The following ATXN1L variants were observed in gnomAD, a reference collection of about 807,000 sequenced individuals.
The protein encoded by ATXN1L is ataxin-1-like.
In ATXN1L, 8 loss-of-function variants were observed where a neutral mutation model predicts 43.4. That is an observed-to-expected ratio of 0.18 (90% CI 0.11 to 0.33). ATXN1L has a LOEUF of 0.33. ATXN1L is among the 10% of genes least tolerant of loss of function. ATXN1L has a pLI of 1.00. For synonymous variants in ATXN1L, 379 were observed against 360.6 expected, an observed-to-expected ratio of 1.05 and a Z score of -0.58; for missense variants, 856 against 885.4, an observed-to-expected ratio of 0.97 and a Z score of 0.42.
rs2033518858 is a variant in ATXN1L at position 71,852,914 on chromosome 16, C to T, written c.*1104C>T. On this transcript the variant is annotated 3_prime_UTR_variant, in exon 3 of 3. Coordinates refer to ENST00000427980, the MANE Select transcript of ATXN1L (RefSeq NM_001137675.4). ...TAGGGGGTCTCTCTGGTTTCCCCTTCAGCTATAATCTCTATTTTTAAAATC... is the reference window on the plus strand; with the variant it reads ...TAGGGGGTCTCTCTGGTTTCCCCTTTAGCTATAATCTCTATTTTTAAAATC... 1 of 167,126 alleles carries T rather than the reference C, an allele frequency of 6.0e-6. No homozygotes were observed. The highest frequency in any genetic ancestry group is 6.5e-5 in the Admixed American group (1 of 15,288). 10.4% of individuals were successfully genotyped at this position (167,126 alleles called of 1,614,324 possible).
In ATXN1L at chr16:71,854,157, G is replaced by T. The variant is rs1174390024; in HGVS notation, c.*2347G>T. 1 of 167,068 alleles carries T rather than the reference G, an allele frequency of 6.0e-6. No homozygotes were observed. Among genetic ancestry groups the T allele is most frequent in the Non-Finnish European group, 1.5e-5 (1 of 68,132 alleles). 10.3% of individuals were successfully genotyped at this position (167,068 alleles called of 1,614,324 possible). ...TGAATTTAGTGACATGTACACAGTA[G>T]ATGCTCAAGCAGTGTCTGCAAGGAC... On this transcript the variant is annotated 3_prime_UTR_variant, in exon 3 of 3. Transcript: ENST00000427980.
In ATXN1L at chr16:71,850,208, G is replaced by A. The variant is rs368299786; in HGVS notation, c.468G>A (p.Pro156=). ...ATGCTGTGCCACCTAATTTCCTACCGAGTCCCCTCCTATCTCCTTCTGCCA... is the reference window on the plus strand; with the variant it reads ...ATGCTGTGCCACCTAATTTCCTACCAAGTCCCCTCCTATCTCCTTCTGCCA... ...LPYAVPPNFL[P]SPLLSPSANL... is the part of the protein sequence containing the mutation. Residue 156 remains proline, a synonymous_variant, in exon 3 of 3, where the codon CCG becomes CCA. Coordinates refer to ENST00000427980, the MANE Select transcript of ATXN1L (RefSeq NM_001137675.4). 241 of 1,551,340 alleles carry A rather than the reference G, an allele frequency of 1.6e-4. No individual in the cohort carries two copies. The highest frequency in any genetic ancestry group is 2.0e-4 in the Non-Finnish European group (231 of 1,146,948).
In ATXN1L at chr16:71,850,066, C is replaced by A. The variant is rs373587350; in HGVS notation, c.326C>A (p.Thr109Lys). 43 of 1,551,714 alleles carry A rather than the reference C, an allele frequency of 2.8e-5. No homozygotes were observed. The African/African-American group carries it at 5.3e-4, about 19-fold the overall frequency. The change falls in exon 3 of 3, where the codon ACG (threonine) becomes AAG (lysine). Residue 109 changes from threonine (T) to lysine (K), a missense_variant. By Grantham distance (78) the Thr-to-Lys change is moderately conservative. This residue lies in a region of ATXN1L where 490 missense variants were observed against 449.4 expected (regional missense o/e 1.09). Coordinates refer to ENST00000427980, the MANE Select transcript of ATXN1L (RefSeq NM_001137675.4). ...SVVNMSPLPP[T>K]FNVASSLIQH... is the part of the protein sequence containing the mutation. Reference sequence around the variant, plus strand: ...GTGAATATGAGTCCCTTGCCCCCAACGTTTAATGTAGCGTCTTCACTAATT... The same window carrying A: ...GTGAATATGAGTCCCTTGCCCCCAAAGTTTAATGTAGCGTCTTCACTAATT...
Position 71,850,769 on chromosome 16 carries a change from T to C in ATXN1L, c.1029T>C (p.Ala343=), listed in dbSNP as rs1271922184. 4.5e-6 allele frequency: 7 copies of C among 1,551,462 alleles called. No homozygotes were observed. The highest frequency in any genetic ancestry group is 6.1e-6 in the Non-Finnish European group (7 of 1,146,996). Residue 343 remains alanine, a synonymous_variant, in exon 3 of 3, where the codon GCT becomes GCC. Transcript: ENST00000427980. The stretch of plus-strand genomic sequence containing the variant: ...TTGAGGTCCAGCGGGTGGTTGGCGC[T>C]TTAGCTTCTCAGGACTATCGTGTGG... The part of the protein sequence containing the change: ...TDLEVQRVVG[A]LASQDYRVVA...
In ATXN1L at chr16:71,855,852, T is replaced by C. The variant is rs2033545797; in HGVS notation, c.*4042T>C. ...GATGGGCAAAAGTGTACACTACAGT[T>C]GAGGAGCTGAACCTTATTAGGTTGG... On this transcript the variant is annotated 3_prime_UTR_variant, in exon 3 of 3. Transcript: ENST00000427980. The C allele has an allele frequency of 6.0e-6, 1 of 167,050 alleles. No homozygotes were observed. Among genetic ancestry groups the C allele is most frequent in the South Asian group, 2.1e-4 (1 of 4,828 alleles). 10.3% of individuals were successfully genotyped at this position (167,050 alleles called of 1,614,324 possible).
Position 71,855,796 on chromosome 16 carries a change from C to A in ATXN1L, c.*3986C>A, listed in dbSNP as rs567878827. On this transcript the variant is annotated 3_prime_UTR_variant, in exon 3 of 3. Coordinates refer to ENST00000427980, the MANE Select transcript of ATXN1L (RefSeq NM_001137675.4). ...ATCTTGGCCTCCTAGGCTAAGTTTA[C>A]TAAACCACACTGAAGCTATAGTACC... 6.0e-6 allele frequency: 1 copy of A among 167,206 alleles called. No homozygotes were observed. The highest frequency in any genetic ancestry group is 2.4e-5 in the African/African-American group (1 of 41,576). The allele number at this position is 167,206 out of a possible 1,614,324, so 10.4% of individuals were successfully genotyped here.
rs1486027274 is a variant in ATXN1L, at chr16:71,849,977, T to C, written c.237T>C (p.Tyr79=). 5 of 1,551,534 alleles carry C rather than the reference T, an allele frequency of 3.2e-6. No individual in the cohort carries two copies. The highest frequency in any genetic ancestry group is 1.4e-5 in the African/African-American group (1 of 73,010). Residue 79 remains tyrosine (Y), a synonymous_variant, in exon 3 of 3, where the codon TAT becomes TAC. Coordinates refer to ENST00000427980, the MANE Select transcript of ATXN1L (RefSeq NM_001137675.4). Reference sequence around the variant, plus strand: ...TCACCGGTCTGACAGTGGACCAGTATGGCATGCTGTATAAGGTGGCTGTGC... The same window carrying C: ...TCACCGGTCTGACAGTGGACCAGTACGGCATGCTGTATAAGGTGGCTGTGC... ...EAITGLTVDQ[Y]GMLYKVAVPP...
At position 71,850,084 on chromosome 16, in the gene ATXN1L, C is replaced by T. The variant is rs1334654974; in HGVS notation, c.344C>T (p.Ser115Leu). Residue 115 changes from serine (S) to leucine (L), a missense_variant, in exon 3 of 3, where the codon TCA (serine) becomes TTA (leucine). Ser to Leu is a moderately radical substitution (Grantham distance 145). Coordinates refer to ENST00000427980, the MANE Select transcript of ATXN1L (RefSeq NM_001137675.4). ...PLPPTFNVAS[S>L]LIQHPGIHYP... The stretch of plus-strand genomic sequence containing the variant: ...CCCCCAACGTTTAATGTAGCGTCTT[C>T]ACTAATTCAACATCCAGGCATCCAC... 24 of 1,551,714 alleles carry T rather than the reference C, an allele frequency of 1.5e-5. No homozygotes were observed. The highest frequency in any genetic ancestry group is 2.1e-5 in the Non-Finnish European group (24 of 1,146,992).
At position 71,850,003 on chromosome 16, in the gene ATXN1L, C is replaced by G; in HGVS notation, c.263C>G (p.Pro88Arg). ...QYGMLYKVAV[P>R]PATFSPTGLP... ...GGCATGCTGTATAAGGTGGCTGTGC[C>G]GCCTGCCACCTTTTCACCAACTGGA... Residue 88 changes from proline (P) to arginine (R), a missense_variant, in exon 3 of 3, where the codon CCG becomes CGG. By Grantham distance (103) the Pro-to-Arg change is moderately radical (BLOSUM62 -2). Coordinates refer to ENST00000427980, the MANE Select transcript of ATXN1L (RefSeq NM_001137675.4). 1 of 1,551,622 alleles carries G rather than the reference C, an allele frequency of 6.4e-7. No individual in the cohort carries two copies. Among genetic ancestry groups the G allele is most frequent in the South Asian group, 1.2e-5 (1 of 84,064 alleles).
rs531053851 is a variant in ATXN1L, at chr16:71,856,043, T to C, written c.*4233T>C. The C allele has an allele frequency of 6.0e-6, 1 of 167,066 alleles. No homozygotes were observed. Among genetic ancestry groups the C allele is most frequent in the Non-Finnish European group, 1.5e-5 (1 of 68,096 alleles). The allele number at this position is 167,066 out of a possible 1,614,324, so 10.3% of individuals were successfully genotyped here. On this transcript the variant is annotated 3_prime_UTR_variant, in exon 3 of 3. Transcript: ENST00000427980. ...AGGATCCATCTTTGGACCAGAAGCCTGGTCTGTGCCTAGGATGACACTGGC... is the reference window on the plus strand; with the variant it reads ...AGGATCCATCTTTGGACCAGAAGCCCGGTCTGTGCCTAGGATGACACTGGC...
Position 71,853,255 on chromosome 16 carries a change from C to T in ATXN1L, c.*1445C>T, listed in dbSNP as rs2033522560. On this transcript the variant is annotated 3_prime_UTR_variant, in exon 3 of 3. Transcript: ENST00000427980. Reference sequence around the variant, plus strand: ...CAATCTTGGTTGCATTGGCACCCCCCCTACCCCCCACCAATGTCTTAATCC... The same window carrying T: ...CAATCTTGGTTGCATTGGCACCCCCTCTACCCCCCACCAATGTCTTAATCC... 1 of 167,458 alleles carries T rather than the reference C, an allele frequency of 6.0e-6. No individual in the cohort carries two copies. Among genetic ancestry groups the T allele is most frequent in the Non-Finnish European group, 1.5e-5 (1 of 68,440 alleles). The allele number at this position is 167,458 out of a possible 1,614,324, so 10.4% of individuals were successfully genotyped here.
chr16:71,850,906 A>G lies in ATXN1L; in HGVS notation c.1166A>G (p.Lys389Arg). 2 of 1,551,690 alleles carry G rather than the reference A, an allele frequency of 1.3e-6. No individual in the cohort carries two copies. The highest frequency in any genetic ancestry group is 2.4e-5 in the East Asian group (1 of 40,912). ...AGGAACCCTGCAGAGCTGGCAGAGA[A>G]AAGTCAGGCCCGTGGGTTCTACCCT... ...SARNPAELAEKSQARGFYPQS... is the reference protein window; with the variant it reads ...SARNPAELAERSQARGFYPQS... The change falls in exon 3 of 3, where the codon AAA becomes AGA. Residue 389 changes from lysine (K) to arginine (R), a missense_variant. Lys to Arg is a conservative substitution (Grantham distance 26, BLOSUM62 2). Transcript: ENST00000427980.
intron 2 of ATXN1L, 41 bp downstream of exon 2, chr16:71,848,112 C>A (rs986782568): frequency 2.2e-6 from 1 of 454,722 alleles, no homozygotes; most frequent in African/African-American, 2.0e-5. Context: ...AGGAAAATAT[C>A]TGGGATGTCA....
chr16:71,856,717 A>G lies in ATXN1L; in HGVS notation c.*4907A>G. 6.0e-6 allele frequency: 1 copy of G among 167,114 alleles called. No homozygotes were observed. The highest frequency in any genetic ancestry group is 1.5e-5 in the Non-Finnish European group (1 of 68,134). 10.4% of individuals were successfully genotyped at this position (167,114 alleles called of 1,614,324 possible). On this transcript the variant is annotated 3_prime_UTR_variant, in exon 3 of 3. Coordinates refer to ENST00000427980, the MANE Select transcript of ATXN1L (RefSeq NM_001137675.4). ...ATCCCTGTAGCCAAAACAGTATATG[A>G]TCCAGCTGCAGAGAGCAGACTGCTC...
chr16:71,848,018 G>A lies in ATXN1L; in HGVS notation c.-171G>A, dbSNP rs1264016421. 2 of 456,000 alleles carry A rather than the reference G, an allele frequency of 4.4e-6. No homozygotes were observed. The highest frequency in any genetic ancestry group is 4.7e-5 in the Admixed American group (2 of 42,544). The allele number at this position is 456,000 out of a possible 1,614,324, so 28.2% of individuals were successfully genotyped here. On this transcript the variant is annotated 5_prime_UTR_variant, in exon 2 of 3. Transcript: ENST00000427980. The stretch of plus-strand genomic sequence containing the variant: ...CTGTTTCTATCTTCTAGGCTCCCGA[G>A]CCAGCCGGGAGGACACTTACTACAG...
At position 71,851,769 on chromosome 16, in the gene ATXN1L, G is replaced by T; in HGVS notation, c.2029G>T (p.Val677Leu). Residue 677 changes from valine to leucine, a missense_variant, in exon 3 of 3, where the codon GTA becomes TTA. Around this residue, in one of 7 missense-constraint regions of ATXN1L, gnomAD observed 185 missense variants for 176.8 expected, o/e 1.05. Transcript: ENST00000427980. The surrounding 1 kb of genome is among the most constrained non-coding windows in gnomAD (Gnocchi z 4.9). Reference protein sequence around the residue: ...LLRPSFIPQEVKLSIEGRSNA... With the variant: ...LLRPSFIPQELKLSIEGRSNA... The stretch of plus-strand genomic sequence containing the variant: ...CCGTCCCTCTTTCATTCCACAGGAG[G>T]TAAAGCTGTCCATTGAAGGGCGTTC... 6.9e-7 allele frequency: 1 copy of T among 1,444,718 alleles called. No individual in the cohort carries two copies. Among genetic ancestry groups the T allele is most frequent in the South Asian group, 1.5e-5 (1 of 65,484 alleles). The allele number at this position is 1,444,718 out of a possible 1,614,324, so 89.5% of individuals were successfully genotyped here.
chr16:71,847,222 C>T (rs963924881), intron 1 of ATXN1L, among the ~76,000 whole-genome samples: 2 of 152,146 alleles, frequency 1.3e-5, no homozygotes, highest in Admixed American at 1.3e-4. Flanking sequence ...ATCTGTACTG[C>T]CTTCTCTGTT....
Position 71,851,056 on chromosome 16 carries a change from C to G in ATXN1L, c.1316C>G (p.Ala439Gly). 2 of 1,551,668 alleles carry G rather than the reference C, an allele frequency of 1.3e-6. No homozygotes were observed. The highest frequency in any genetic ancestry group is 1.7e-6 in the Non-Finnish European group (2 of 1,146,982). Reference sequence around the variant, plus strand: ...CCTGTGGGCTCGGAGATCCTGGTAGCATCAAGTCTGGACGTGCAGGCCAGA... The same window carrying G: ...CCTGTGGGCTCGGAGATCCTGGTAGGATCAAGTCTGGACGTGCAGGCCAGA... ...LLPVGSEILV[A>G]SSLDVQARAT... The change falls in exon 3 of 3, where the codon GCA becomes GGA. Residue 439 changes from alanine to glycine, a missense_variant. Transcript: ENST00000427980. This position sits in a 1 kb window ranked among gnomAD's most constrained non-coding sequence, Gnocchi z 4.9.
At position 71,850,947 on chromosome 16, in the gene ATXN1L, C is replaced by G. The variant is rs1030698447; in HGVS notation, c.1207C>G (p.Pro403Ala). 6 of 1,551,682 alleles carry G rather than the reference C, an allele frequency of 3.9e-6. No individual in the cohort carries two copies. Among genetic ancestry groups the G allele is most frequent in the Non-Finnish European group, 5.2e-6 (6 of 1,146,988 alleles). The change falls in exon 3 of 3, where the codon CCA (proline) becomes GCA (alanine). Residue 403 changes from proline to alanine, a missense_variant. Pro to Ala is a conservative substitution (Grantham distance 27). This residue lies in a region of ATXN1L where 490 missense variants were observed against 449.4 expected (regional missense o/e 1.09). Coordinates refer to ENST00000427980, the MANE Select transcript of ATXN1L (RefSeq NM_001137675.4). ...GTTCTACCCTCAGTCCCATCAGGAA[C>G]CAGTAAAACATAGACCTTTACCCAA... ...RGFYPQSHQEPVKHRPLPKAM... is the reference protein window; with the variant it reads ...RGFYPQSHQEAVKHRPLPKAM...
Sources: gnomAD v4.1 joint callset for allele counts (sites outside exome capture counted in the v4.1 genomes callset) on GRCh38, gnomAD v4.1.1 for gene constraint, gnomAD v4.1.1 regional missense constraint, Gnocchi (gnomAD v3.1) non-coding constraint, MANE v1.5 for transcripts, NCBI Gene and HGNC (gene_info 2026-07-23, HGNC 2026-07-21) for gene names.